VRK2: variants seen among roughly 807,000 people sequenced by gnomAD.
VRK2 encodes serine/threonine-protein kinase VRK2.
Under a neutral mutation model 57.6 loss-of-function variants are expected in VRK2, and 60 were observed. That is an observed-to-expected ratio of 1.04 (90% CI 0.85 to 1.29). The LOEUF is 1.29. Ranked by LOEUF, VRK2 falls within the 50% of genes most tolerant of loss-of-function variation. VRK2 has a pLI of 0.00. For synonymous variants in VRK2, 231 were observed against 199.2 expected (o/e 1.16, Z -1.35); for missense variants, 705 against 588.1 (o/e 1.20, Z -2.06).
At chr2:58,156,059 T>C (rs184796538) in intron 12 of VRK2, among the ~76,000 whole-genome samples, 1 of 151,978 alleles carries the variant, frequency 6.6e-6, no homozygotes, top group Admixed American at 6.6e-5. Context: ...GAATTTTCAG[T>C]GTTTTGATAG....
chr2:58,138,637 A>G (rs1680886801), intron 10 of VRK2, among the ~76,000 whole-genome samples: 2 of 152,176 alleles, frequency 1.3e-5, no homozygotes, highest in African/African-American at 2.4e-5. Context: ...AGGTAGGCCT[A>G]GAGGGGAAGT....
intron 2 of VRK2, among the ~76,000 whole-genome samples, chr2:58,072,434 A>G (rs1347951352): frequency 6.6e-6 from 1 of 151,908 alleles, no homozygotes; most frequent in Non-Finnish European, 1.5e-5. Flanking sequence ...TCGAGTTGAG[A>G]AAGTTTCTAT....
At chr2:58,021,006 T>C (rs1325609723) in intron 1 of VRK2, among the ~76,000 whole-genome samples, 2 of 152,170 alleles carry the variant, frequency 1.3e-5, no homozygotes, top group Non-Finnish European at 2.9e-5. Context: ...AGAAACAAAG[T>C]ATGTTAAAAT....
chr2:58,119,018 G>A (rs908090651), intron 7 of VRK2, among the ~76,000 whole-genome samples: 1 of 152,098 alleles, frequency 6.6e-6, no homozygotes, highest in Admixed American at 6.5e-5. Context: ...AGTTAAGGCG[G>A]GGCAGGGCCT....
intron 1 of VRK2, among the ~76,000 whole-genome samples, chr2:57,919,395 C>T (rs1670262250): frequency 6.6e-6 from 1 of 152,002 alleles, no homozygotes; most frequent in African/African-American, 2.4e-5. Flanking sequence ...TTTCATGATA[C>T]TTTATAAAAG....
At position 58,135,374 on chromosome 2, in the gene VRK2, T is replaced by C. The variant is rs574736949; in HGVS notation, c.856+175T>C. ...AAGAACACAATGTTTAAATCATCTTTAACATTAGAACACAAAAAACCTCAA... is the reference window on the plus strand; with the variant it reads ...AAGAACACAATGTTTAAATCATCTTCAACATTAGAACACAAAAAACCTCAA... On this transcript the variant is annotated intron_variant, in intron 10 of 12. Coordinates refer to ENST00000340157, the MANE Select transcript of VRK2 (RefSeq NM_006296.7). Among the ~76,000 whole-genome samples, 179 of 151,572 alleles carry C rather than the reference T, an allele frequency of 1.2e-3. 1 individual carries two copies. The highest frequency in any genetic ancestry group is 1.3e-3 in the Non-Finnish European group (87 of 67,960).
chr2:57,947,180 A>G (rs1055562940), intron 1 of VRK2, among the ~76,000 whole-genome samples: 5 of 152,168 alleles, frequency 3.3e-5, no homozygotes, highest in African/African-American at 1.2e-4. Context: ...AGATGGTGTA[A>G]TATGTAAGCA....
intron 10 of VRK2, 130 bp downstream of exon 10, chr2:58,135,329 A>T (rs1362932789): frequency 3.5e-6 from 3 of 856,680 alleles, no homozygotes; most frequent in African/African-American, 1.7e-5. Flanking sequence ...GGAACTCTTC[A>T]TGTTGCAAAT....
At chr2:58,155,202 T>C (rs997226266) in intron 12 of VRK2, among the ~76,000 whole-genome samples, 5 of 152,228 alleles carry the variant, frequency 3.3e-5, no homozygotes, top group African/African-American at 1.2e-4. Context: ...CTAGTAGTTA[T>C]ATCAATTACT....
chr2:58,122,079 C>G (rs1340614647), intron 7 of VRK2, among the ~76,000 whole-genome samples: 1 of 152,148 alleles, frequency 6.6e-6, no homozygotes, highest in African/African-American at 2.4e-5. Flanking sequence ...AGAAAGGTAA[C>G]AGTGATAATA....
At chr2:58,097,098 G>A (rs969422655) in intron 7 of VRK2, among the ~76,000 whole-genome samples, 2 of 151,980 alleles carry the variant, frequency 1.3e-5, no homozygotes, top group Admixed American at 6.6e-5. Context: ...GTTTTTGTCA[G>A]TCTTCCATGT....
At chr2:57,962,414 T>A (rs573183162) in intron 1 of VRK2, among the ~76,000 whole-genome samples, 85 of 152,298 alleles carry the variant, frequency 5.6e-4, no homozygotes, top group Admixed American at 9.8e-4. Context: ...TATTTCTTTT[T>A]TTTTGTTTTT....
chr2:58,030,473 C>G (rs915873357), intron 2 of VRK2, among the ~76,000 whole-genome samples: 2 of 152,028 alleles, frequency 1.3e-5, no homozygotes, highest in African/African-American at 4.8e-5. Context: ...TTAATGCACT[C>G]TACCTCGTTT....
At chr2:58,043,409 CACAGT>C (rs1259363926), upstream of VRK2, among the ~76,000 whole-genome samples, 1 of 151,950 alleles carries the variant, frequency 6.6e-6, no homozygotes, top group East Asian at 1.9e-4. Flanking sequence ...TATCTATTAC[CACAGT>C]AAAGAAATTT....
At chr2:58,159,177 A>AAAT in intron 12 of VRK2, 172 bp from the exon 13 acceptor site, 1 of 527,882 alleles carries the variant, frequency 1.9e-6, no homozygotes, top group Non-Finnish European at 3.3e-6. Flanking sequence ...ATAAACTCTT[A>AAAT]AAAAGTGTAA....
intron 1 of VRK2, chr2:58,048,414 C>A: frequency 2.0e-6 from 1 of 509,524 alleles, no homozygotes; most frequent in Non-Finnish European, 3.1e-6. Context: ...TTTCTAGTGA[C>A]TGAAGACCTT....
chr2:58,049,790 A>C (rs1675434136), intron 2 of VRK2, among the ~76,000 whole-genome samples: 1 of 152,176 alleles, frequency 6.6e-6, no homozygotes, highest in South Asian at 2.1e-4. Context: ...CCGTTGAGGG[A>C]ATCTTGGGTT....
intron 1 of VRK2, among the ~76,000 whole-genome samples, chr2:57,995,984 G>GA (rs1672910962): frequency 6.6e-6 from 1 of 152,032 alleles, no homozygotes; most frequent in South Asian, 2.1e-4. Flanking sequence ...AAAATATTTG[G>GA]AAAAAACAAT....
chr2:57,977,260 C>T (rs905463835), intron 1 of VRK2, among the ~76,000 whole-genome samples: 1 of 152,048 alleles, frequency 6.6e-6, no homozygotes, highest in East Asian at 1.9e-4. Context: ...TGAAAAATAA[C>T]ATTGGCAGTT....
Sources: gnomAD v4.1 joint callset for allele counts (sites outside exome capture counted in the v4.1 genomes callset) on GRCh38, gnomAD v4.1.1 for gene constraint, MANE v1.5 for transcripts, NCBI Gene and HGNC (gene_info 2026-07-23, HGNC 2026-07-21) for gene names.